NUP214: variants seen among roughly 807,000 people sequenced by gnomAD.
The protein encoded by NUP214 is nuclear pore complex protein Nup214.
A neutral mutation model predicts 196.2 loss-of-function variants in NUP214; 79 were observed. That is an observed-to-expected ratio of 0.40 (90% CI 0.34 to 0.49). NUP214 has a LOEUF of 0.49. NUP214 is among the 20% of genes least tolerant of loss of function. NUP214 has a pLI of 0.58. For missense variants in NUP214, 2,468 were observed against 2,539.0 expected (o/e 0.97, Z 0.60); for synonymous variants, 1,020 against 990.5 (o/e 1.03, Z -0.56).
At chr9:131,190,609 C>T in intron 26 of NUP214, 1 of 547,648 alleles carries the variant, frequency 1.8e-6, no homozygotes, top group Admixed American at 3.7e-5. Flanking sequence ...GAATAGTTCT[C>T]TTATTAGTAA....
chr9:131,177,558 A>T (rs1009127041), intron 23 of NUP214, among the ~76,000 whole-genome samples: 1 of 152,174 alleles, frequency 6.6e-6, no homozygotes, highest in Non-Finnish European at 1.5e-5. Context: ...CACTTCTTTG[A>T]AAGAGGGAAT....
In NUP214 at chr9:131,178,373, T is replaced by C. The variant is rs1833174151; in HGVS notation, c.3382T>C (p.Leu1128=). 1.9e-6 allele frequency: 3 copies of C among 1,614,054 alleles called. No homozygotes were observed. Among genetic ancestry groups the C allele is most frequent in the South Asian group, 1.1e-5 (1 of 91,080 alleles). The part of the protein sequence containing the change: ...NVPQVVNVQE[L]KNNPATPSTA... ...CCCTCAAGTGGTAAATGTGCAGGAA[T>C]TGAAGAATAACCCTGCAACCCCTTC... is the stretch of plus-strand genomic sequence containing the variant. The change falls in exon 24 of 36, where the codon TTG becomes CTG. Residue 1128 remains leucine, a synonymous_variant. Coordinates refer to ENST00000359428, the MANE Select transcript of NUP214 (RefSeq NM_005085.4).
chr9:131,211,601 A>C (rs900132003), intron 30 of NUP214, among the ~76,000 whole-genome samples: 3 of 152,226 alleles, frequency 2.0e-5, no homozygotes, highest in African/African-American at 7.2e-5. Flanking sequence ...TAAATTGTGA[A>C]GATTTCATGG....
intron 9 of NUP214, among the ~76,000 whole-genome samples, chr9:131,138,905 A>T (rs1454759574): frequency 2.6e-5 from 4 of 152,208 alleles, no homozygotes; most frequent in Non-Finnish European, 5.9e-5. Flanking sequence ...GTCTAGGAGC[A>T]GGTATTGACT....
rs780842178 is a variant in NUP214 at position 131,125,658 on chromosome 9, G to T, written c.-47G>T. On this transcript the variant is annotated 5_prime_UTR_variant, in exon 1 of 36. Transcript: ENST00000359428. This position sits in a 1 kb window ranked among gnomAD's most constrained non-coding sequence, Gnocchi z 4.1. Reference sequence around the variant, plus strand: ...GAGCGGCCTGGGTTCCGTGGGCAAGGCCGTGGGAGGCAGCGTTGGCTGCTT... The same window carrying T: ...GAGCGGCCTGGGTTCCGTGGGCAAGTCCGTGGGAGGCAGCGTTGGCTGCTT... 2.6e-6 allele frequency: 4 copies of T among 1,545,682 alleles called. No individual in the cohort carries two copies. Among genetic ancestry groups the T allele is most frequent in the Non-Finnish European group, 3.5e-6 (4 of 1,143,946 alleles).
chr9:131,131,980 C>T (rs1831558686), intron 5 of NUP214, among the ~76,000 whole-genome samples: 1 of 152,162 alleles, frequency 6.6e-6, no homozygotes, highest in African/African-American at 2.4e-5. Flanking sequence ...TGAGCCACCT[C>T]GCCCAGCCTT....
chr9:131,128,681 C>A, intron 3 of NUP214, 198 bp downstream of exon 3: 1 of 492,516 alleles, frequency 2.0e-6, no homozygotes. Flanking sequence ...TTCATAACGC[C>A]ATCTGCCCTA....
At chr9:131,207,336 C>CT (rs1834114487) in intron 30 of NUP214, among the ~76,000 whole-genome samples, 2 of 152,228 alleles carry the variant, frequency 1.3e-5, no homozygotes, top group Admixed American at 1.3e-4. Flanking sequence ...TATCTGTGAT[C>CT]TCAGCTGGAA....
At chr9:131,165,645 A>G (rs1032541261) in intron 21 of NUP214, among the ~76,000 whole-genome samples, 1 of 152,240 alleles carries the variant, frequency 6.6e-6, no homozygotes, top group Non-Finnish European at 1.5e-5. Context: ...ATAATTGAAA[A>G]TAAGGTTTCA....
At position 131,185,310 on chromosome 9, in the gene NUP214, A is replaced by G. The variant is rs149578123; in HGVS notation, c.3420-1979A>G. Among the ~76,000 whole-genome samples, 9 of 152,066 alleles carry G rather than the reference A, an allele frequency of 5.9e-5. No individual in the cohort carries two copies. In the East Asian group the frequency reaches 1.5e-3, roughly 26 times the overall value. Reference sequence around the variant, plus strand: ...GAAAAAAATGACTCTTCTGTGTTTTATTTTTCTCCAAGAACCCGAGTTTCC... The same window carrying G: ...GAAAAAAATGACTCTTCTGTGTTTTGTTTTTCTCCAAGAACCCGAGTTTCC... On this transcript the variant is annotated intron_variant, in intron 24 of 35. Transcript: ENST00000359428.
At chr9:131,225,534 C>A (rs1834697015) in intron 32 of NUP214, among the ~76,000 whole-genome samples, 1 of 152,176 alleles carries the variant, frequency 6.6e-6, no homozygotes. Context: ...TAGATTGAGG[C>A]CTCGAATAGA....
At chr9:131,223,727 A>ATTTATTTATT in intron 32 of NUP214, among the ~76,000 whole-genome samples, 6 of 15,660 alleles carry the variant, frequency 3.8e-4, no homozygotes, top group African/African-American at 7.6e-4. Flanking sequence ...TTATTTATTT[A>ATTTATTTATT]TTTTTTTTTT....
chr9:131,172,346 T>C, intron 21 of NUP214, among the ~76,000 whole-genome samples: 1 of 152,240 alleles, frequency 6.6e-6, no homozygotes, highest in East Asian at 1.9e-4. Flanking sequence ...GCTGCATAAA[T>C]GTCTTCTTTT....
chr9:131,179,643 G>A (rs924850888), intron 24 of NUP214, among the ~76,000 whole-genome samples: 15 of 152,160 alleles, frequency 9.9e-5, no homozygotes, highest in Non-Finnish European at 2.1e-4. Context: ...ATCTGCCCAC[G>A]GTTCTGTTTT....
intron 29 of NUP214, 113 bp downstream of exon 29, chr9:131,199,128 C>A: frequency 1.5e-6 from 2 of 1,322,316 alleles, no homozygotes; most frequent in Non-Finnish European, 2.1e-6. Flanking sequence ...CAAAAATAAT[C>A]TGTAGGTTAA....
At chr9:131,206,012 C>T (rs1250397134) in intron 30 of NUP214, among the ~76,000 whole-genome samples, 1 of 151,872 alleles carries the variant, frequency 6.6e-6, no homozygotes, top group African/African-American at 2.4e-5. Flanking sequence ...AATTCGTGCA[C>T]GTATGTATCA....
chr9:131,218,079 A>T (rs899066830), intron 31 of NUP214, among the ~76,000 whole-genome samples: 1 of 152,274 alleles, frequency 6.6e-6, no homozygotes, highest in African/African-American at 2.4e-5. Context: ...TCTTGATACC[A>T]GATAACCTGT....
Position 131,146,928 on chromosome 9 carries a change from CA to C in NUP214, c.1946-548del, listed in dbSNP as rs562513502. On this transcript the variant is annotated intron_variant, in intron 13 of 35. Transcript: ENST00000359428. This position sits in a 1 kb window ranked among gnomAD's most constrained non-coding sequence, Gnocchi z 4.6. ...CTGGCGACAGAGCGAGACTCTGTCTCAAAAAAAAAAAAAAGTACAGAGGAGA... is the reference window on the plus strand; with the variant it reads ...CTGGCGACAGAGCGAGACTCTGTCTCAAAAAAAAAAAAAGTACAGAGGAGA... Among the ~76,000 whole-genome samples, 2,339 of 135,234 alleles carry C rather than the reference CA, an allele frequency of 0.017. 26 individuals carry two copies. Among genetic ancestry groups the C allele is most frequent in the Non-Finnish European group, 0.028 (1,720 of 62,354 alleles). 88.7% of individuals were successfully genotyped at this position (135,234 alleles called of 152,430 possible). A position where few individuals can be genotyped will look rare whatever the true frequency, so the allele number is the denominator to read the frequency against.
chr9:131,202,905 T>A (rs1299405472), intron 30 of NUP214, among the ~76,000 whole-genome samples: 1 of 151,514 alleles, frequency 6.6e-6, no homozygotes, highest in East Asian at 1.9e-4. Flanking sequence ...CCAGGCATAA[T>A]TTTAAGTCTT....
Sources: allele counts gnomAD v4.1 joint callset (sites outside exome capture counted in the v4.1 genomes callset), GRCh38; gene constraint gnomAD v4.1.1; non-coding constraint Gnocchi (gnomAD v3.1); transcripts MANE v1.5; gene names NCBI Gene and HGNC (gene_info 2026-07-23, HGNC 2026-07-21).